Variants in LMX1B observed in about 807,000 individuals in gnomAD.
LMX1B encodes the protein LIM homeobox transcription factor 1-beta.
Under a neutral mutation model 51.4 loss-of-function variants are expected in LMX1B, and 12 were observed. That is an observed-to-expected ratio of 0.23 (90% CI 0.15 to 0.38). LMX1B has a LOEUF of 0.38. Ranked by LOEUF, LMX1B falls within the 10% of genes least tolerant of loss-of-function variation. LMX1B has a pLI of 1.00. For missense variants in LMX1B, 445 were observed against 571.1 expected, an observed-to-expected ratio of 0.78 and a Z score of 2.25; for synonymous variants, 237 against 235.4, an observed-to-expected ratio of 1.01 and a Z score of -0.06.
rs1016021511 is a variant in LMX1B at position 126,635,260 on chromosome 9, C to T, written c.326+19691C>T. On this transcript the variant is annotated intron_variant, in intron 2 of 7. Transcript: ENST00000373474. ...TTCTAGTCAGCTACTTGCCCCCACT[C>T]GCTCATTGCCCACACAGGGAGCAGG... Among the ~76,000 whole-genome samples the T allele has an allele frequency of 3.9e-5, 6 of 152,200 alleles. No homozygotes were observed. In the East Asian group the frequency reaches 9.6e-4, roughly 24 times the overall value.
chr9:126,695,184 C>T lies in LMX1B; in HGVS notation c.887-655C>T, dbSNP rs1383863877. On this transcript the variant is annotated intron_variant, in intron 6 of 7. Transcript: ENST00000373474. This position sits in a 1 kb window ranked among gnomAD's most constrained non-coding sequence, Gnocchi z 5.2. ...CTCACCCACTGGCCCCAGCCTCGGT[C>T]TCCTCCTCCAGCCTTTCTCACCCTC... Among the ~76,000 whole-genome samples, 1 of 152,160 alleles carries T rather than the reference C, an allele frequency of 6.6e-6. No individual in the cohort carries two copies. Among genetic ancestry groups the T allele is most frequent in the Non-Finnish European group, 1.5e-5 (1 of 68,016 alleles).
chr9:126,655,522 C>G (rs908255765), intron 2 of LMX1B, among the ~76,000 whole-genome samples: 2 of 152,154 alleles, frequency 1.3e-5, no homozygotes, highest in African/African-American at 2.4e-5. Context: ...CTGAGAGGCC[C>G]TCCACGTGGT....
chr9:126,681,220 C>T (rs113036571), intron 2 of LMX1B, among the ~76,000 whole-genome samples: 4 of 152,282 alleles, frequency 2.6e-5, no homozygotes, highest in African/African-American at 7.2e-5. Context: ...CATCTCCACA[C>T]AGCATCTCCA....
At position 126,626,341 on chromosome 9, in the gene LMX1B, A is replaced by C. The variant is rs1260698773; in HGVS notation, c.326+10772A>C. Among the ~76,000 whole-genome samples, 1 of 152,198 alleles carries C rather than the reference A, an allele frequency of 6.6e-6. No individual in the cohort carries two copies. Among genetic ancestry groups the C allele is most frequent in the Non-Finnish European group, 1.5e-5 (1 of 68,032 alleles). On this transcript the variant is annotated intron_variant, in intron 2 of 7. Coordinates refer to ENST00000373474, the MANE Select transcript of LMX1B (RefSeq NM_001174147.2). This position sits in a 1 kb window ranked among gnomAD's most constrained non-coding sequence, Gnocchi z 4.3. Reference sequence around the variant, plus strand: ...GACTGTTTTATGGGGAGGGAGAAGGAGCAGGAAGTGATGCTTCCATCTCTG... The same window carrying C: ...GACTGTTTTATGGGGAGGGAGAAGGCGCAGGAAGTGATGCTTCCATCTCTG...
chr9:126,694,663 A>G lies in LMX1B; in HGVS notation c.886+851A>G, dbSNP rs568377160. 1.4e-4 allele frequency among the ~76,000 whole-genome samples: 22 copies of G among 152,266 alleles called. No individual in the cohort carries two copies. The South Asian group carries it at 4.1e-3, about 29-fold the overall frequency. On this transcript the variant is annotated intron_variant, in intron 6 of 7. Coordinates refer to ENST00000373474, the MANE Select transcript of LMX1B (RefSeq NM_001174147.2). Reference sequence around the variant, plus strand: ...CTTCTGGGCAGGTGCCAGGGCACCAATGGGCAGATACCAGGGCACTGGGGG... The same window carrying G: ...CTTCTGGGCAGGTGCCAGGGCACCAGTGGGCAGATACCAGGGCACTGGGGG...
In LMX1B at chr9:126,614,396, G is replaced by A. The variant is rs1441426236; in HGVS notation, c.-54G>A. ...CCGCGGCGGCGGAGAGCGGGTGGAC[G>A]GGCCGGCGGGCGAGCAGCCCGGCCG... is the stretch of plus-strand genomic sequence containing the variant. On this transcript the variant is annotated 5_prime_UTR_variant, in exon 1 of 8. Coordinates refer to ENST00000373474, the MANE Select transcript of LMX1B (RefSeq NM_001174147.2). 82 of 1,308,618 alleles carry A rather than the reference G, an allele frequency of 6.3e-5. No individual in the cohort carries two copies. The highest frequency in any genetic ancestry group is 7.6e-5 in the Non-Finnish European group (78 of 1,024,232). 81.1% of individuals were successfully genotyped at this position (1,308,618 alleles called of 1,614,324 possible). A position where few individuals can be genotyped will look rare whatever the true frequency, so the allele number is the denominator to read the frequency against.
At position 126,614,522 on chromosome 9, in the gene LMX1B, T is replaced by C. The variant is rs2118818982; in HGVS notation, c.73T>C (p.Leu25=). Residue 25 remains leucine, a synonymous_variant, in exon 1 of 8, where the codon TTG becomes CTG. Transcript: ENST00000373474. ...PRGQTDCAKM[L]DGIKMEEHAL... is the part of the protein sequence containing the mutation. ...CGGGCAGACGGACTGCGCCAAGATG[T>C]TGGACGGCATCAAGATGGAGGAGCA... The C allele has an allele frequency of 6.2e-7, 1 of 1,606,794 alleles. No individual in the cohort carries two copies. Among genetic ancestry groups the C allele is most frequent in the Non-Finnish European group, 8.5e-7 (1 of 1,177,510 alleles).
At chr9:126,621,749 C>T (rs915489986) in intron 2 of LMX1B, among the ~76,000 whole-genome samples, 1 of 148,274 alleles carries the variant, frequency 6.7e-6, no homozygotes, top group Non-Finnish European at 1.5e-5. Flanking sequence ...TCTCCTGAAG[C>T]ATCCATCTTC....
chr9:126,684,098 G>A (rs1448418393), intron 2 of LMX1B, among the ~76,000 whole-genome samples: 2 of 152,114 alleles, frequency 1.3e-5, no homozygotes, highest in African/African-American at 4.8e-5. Context: ...TGTAGCCGGT[G>A]GGAACAGAAG....
chr9:126,644,996 G>A (rs1211230557), intron 2 of LMX1B, among the ~76,000 whole-genome samples: 1 of 152,172 alleles, frequency 6.6e-6, no homozygotes, highest in Non-Finnish European at 1.5e-5. Context: ...CCGTGATAGA[G>A]CCCCCACCCT....
intron 2 of LMX1B, among the ~76,000 whole-genome samples, chr9:126,623,064 C>T (rs1194612527): frequency 6.6e-6 from 1 of 152,234 alleles, no homozygotes; most frequent in Non-Finnish European, 1.5e-5. Context: ...AAGGCAGCCC[C>T]GTCTGGCAGG....
chr9:126,627,140 G>C (rs1369958171), intron 2 of LMX1B, among the ~76,000 whole-genome samples: 3 of 152,166 alleles, frequency 2.0e-5, no homozygotes, highest in African/African-American at 7.2e-5. Context: ...TGATGTGCCT[G>C]GTCACCAGAG....
Position 126,618,796 on chromosome 9 carries a change from G to C in LMX1B, c.326+3227G>C, listed in dbSNP as rs537933192. ...GAATTCCTGGAGGAGGCTCCGGAAG[G>C]GGGGAGGGTCGGTGGGAGAGTCCAA... On this transcript the variant is annotated intron_variant, in intron 2 of 7. Coordinates refer to ENST00000373474, the MANE Select transcript of LMX1B (RefSeq NM_001174147.2). The surrounding 1 kb of genome is among the most constrained non-coding windows in gnomAD (Gnocchi z 4.5). 7.2e-5 allele frequency among the ~76,000 whole-genome samples: 11 copies of C among 152,330 alleles called. 1 individual carries two copies. Among genetic ancestry groups the C allele is most frequent in the East Asian group, 1.9e-4 (1 of 5,186 alleles).
At chr9:126,670,900 C>T (rs898644262) in intron 2 of LMX1B, among the ~76,000 whole-genome samples, 1 of 152,114 alleles carries the variant, frequency 6.6e-6, no homozygotes, top group Admixed American at 6.5e-5. Context: ...ACTTACTGTG[C>T]GTGTCACAGG....
chr9:126,654,901 C>G (rs985011326), intron 2 of LMX1B, among the ~76,000 whole-genome samples: 1 of 152,154 alleles, frequency 6.6e-6, no homozygotes, highest in Non-Finnish European at 1.5e-5. Flanking sequence ...CTTCTCTCCA[C>G]TGGACCTGGG....
In LMX1B at chr9:126,625,161, C is replaced by G. The variant is rs996037377; in HGVS notation, c.326+9592C>G. ...CGAGCACCTTACAACCGTGTCCCCT[C>G]CACCCCTTCCGAGGACGGCGGGAAG... On this transcript the variant is annotated intron_variant, in intron 2 of 7. Coordinates refer to ENST00000373474, the MANE Select transcript of LMX1B (RefSeq NM_001174147.2). The surrounding 1 kb of genome is among the most constrained non-coding windows in gnomAD (Gnocchi z 5.3). Among the ~76,000 whole-genome samples, 1 of 152,252 alleles carries G rather than the reference C, an allele frequency of 6.6e-6. No individual in the cohort carries two copies. Among genetic ancestry groups the G allele is most frequent in the Non-Finnish European group, 1.5e-5 (1 of 68,046 alleles).
intron 2 of LMX1B, among the ~76,000 whole-genome samples, chr9:126,645,458 C>T (rs888557290): frequency 7.2e-5 from 11 of 152,250 alleles, no homozygotes; most frequent in African/African-American, 2.7e-4. Context: ...CTAACCCACC[C>T]CTTCTTGCAA....
In LMX1B at chr9:126,696,606, G is replaced by A. The variant is rs151191848; in HGVS notation, c.*155G>A. ...CCAGCTGGGCCTGACCACTGTGCCC[G>A]TTGGGTACAGCCAGACCGGTAGATG... On this transcript the variant is annotated 3_prime_UTR_variant, in exon 8 of 8. Transcript: ENST00000373474. 199 of 790,816 alleles carry A rather than the reference G, an allele frequency of 2.5e-4. 1 individual carries two copies. In the East Asian group the frequency reaches 4.4e-3, roughly 18 times the overall value. The allele number at this position is 790,816 out of a possible 1,614,324, so 49.0% of individuals were successfully genotyped here.
intron 2 of LMX1B, among the ~76,000 whole-genome samples, chr9:126,661,632 C>CTGGGGCTCTG (rs1337171872): frequency 6.6e-6 from 1 of 152,174 alleles, no homozygotes; most frequent in Non-Finnish European, 1.5e-5. Context: ...CACCAGGAGC[C>CTGGGGCTCTG]TGGGGCTCTG....
Sources: allele counts gnomAD v4.1 joint callset (sites outside exome capture counted in the v4.1 genomes callset), GRCh38; gene constraint gnomAD v4.1.1; non-coding constraint Gnocchi (gnomAD v3.1); transcripts MANE v1.5; gene names NCBI Gene and HGNC (gene_info 2026-07-23, HGNC 2026-07-21).